MOV10L1: variants seen among roughly 807,000 people sequenced by gnomAD.
The protein encoded by MOV10L1 is RNA helicase Mov10l1.
MOV10L1 carries 110 observed loss-of-function variants against 143.8 expected under a neutral mutation model. The ratio of observed to expected loss-of-function variants is 0.76; its 90% CI spans 0.66 to 0.90. The LOEUF (loss-of-function observed/expected upper bound fraction) is 0.90, where lower values mean the gene tolerates loss of function less well. Among genes scored for constraint, MOV10L1 ranks in the 40% least tolerant of loss-of-function variants. The probability of loss-of-function intolerance (pLI) is 0.00; values close to 1 mark genes in which losing one functional copy is unlikely to be tolerated. For synonymous variants in MOV10L1, 593 were observed against 581.1 expected, an observed-to-expected ratio of 1.02 and a Z score of -0.29; for missense variants, 1,406 against 1,526.8, an observed-to-expected ratio of 0.92 and a Z score of 1.32.
intron 5 of MOV10L1, among the ~76,000 whole-genome samples, chr22:50,109,901 AAC>A (rs1395424116): frequency 6.6e-6 from 1 of 152,110 alleles, no homozygotes; most frequent in African/African-American, 2.4e-5. Flanking sequence ...CTGTAATCCC[AAC>A]GCTTTGGGAT....
chr22:50,144,069 C>T (rs2063066470), intron 17 of MOV10L1, 28 bp from the exon 18 acceptor site: 2 of 1,592,326 alleles, frequency 1.3e-6, no homozygotes, highest in Admixed American at 1.7e-5. Flanking sequence ...GATGTTGAGC[C>T]TTGGTCTCTT....
intron 4 of MOV10L1, 44 bp downstream of exon 4, chr22:50,108,292 C>T: frequency 1.3e-6 from 2 of 1,542,918 alleles, no homozygotes; most frequent in Middle Eastern, 3.4e-4. Context: ...TCTGGCAGAC[C>T]TGCCATCAGG....
At position 50,108,261 on chromosome 22, in the gene MOV10L1, C is replaced by G; in HGVS notation, c.555+13C>G. 6.2e-7 allele frequency: 1 copy of G among 1,600,734 alleles called. No individual in the cohort carries two copies. The highest frequency in any genetic ancestry group is 8.5e-7 in the Non-Finnish European group (1 of 1,172,480). ...GCGCGTGGACAAGGTAGCGTGCCGA[C>G]TAGTGGCTCCTCTCTGTGCTTCTGG... On this transcript the variant is annotated intron_variant, in intron 4 of 26. Coordinates refer to ENST00000262794, the MANE Select transcript of MOV10L1 (RefSeq NM_018995.3).
At position 50,128,502 on chromosome 22, in the gene MOV10L1, T is replaced by C. The variant is rs764269586; in HGVS notation, c.1905T>C (p.Tyr635=). The C allele has an allele frequency of 5.0e-6, 7 of 1,412,564 alleles. No homozygotes were observed. The East Asian group carries it at 1.6e-4, about 32-fold the overall frequency. 87.5% of individuals were successfully genotyped at this position (1,412,564 alleles called of 1,614,324 possible). A position where few individuals can be genotyped will look rare whatever the true frequency, so the allele number is the denominator to read the frequency against. Reference sequence around the variant, plus strand: ...AACCTATGGATGTGGAATTTACATATAATAGGTAATGCTTTTAGTGAGTCT... The same window carrying C: ...AACCTATGGATGTGGAATTTACATACAATAGGTAATGCTTTTAGTGAGTCT... ...NFEPMDVEFT[Y]NRTTSRRCHF... is the part of the protein sequence containing the mutation. The change falls in exon 13 of 27, where the codon TAT becomes TAC. Residue 635 remains tyrosine, a synonymous_variant. Coordinates refer to ENST00000262794, the MANE Select transcript of MOV10L1 (RefSeq NM_018995.3).
At chr22:50,090,543 C>T (rs2062404342) in intron 1 of MOV10L1, 4 of 1,599,674 alleles carry the variant, frequency 2.5e-6, no homozygotes, top group Non-Finnish European at 2.6e-6. Flanking sequence ...AAAACGCGGC[C>T]CCGCAGACTT....
intron 3 of MOV10L1, among the ~76,000 whole-genome samples, chr22:50,101,001 C>T (rs555573691): frequency 2.0e-5 from 3 of 152,286 alleles, no homozygotes; most frequent in African/African-American, 7.2e-5. Context: ...AGAAACAGAC[C>T]TGTGCATACA....
chr22:50,152,921 A>C lies in MOV10L1; in HGVS notation c.2893-124A>C. On this transcript the variant is annotated intron_variant, in intron 21 of 26. Coordinates refer to ENST00000262794, the MANE Select transcript of MOV10L1 (RefSeq NM_018995.3). This position sits in a 1 kb window ranked among gnomAD's most constrained non-coding sequence, Gnocchi z 4.4. Reference sequence around the variant, plus strand: ...GGGGGCAGGCGACACACAGGGGCGCAGGAGCAGAGTCAGGCTTGGAAGTCA... The same window carrying C: ...GGGGGCAGGCGACACACAGGGGCGCCGGAGCAGAGTCAGGCTTGGAAGTCA... 1 of 966,718 alleles carries C rather than the reference A, an allele frequency of 1.0e-6. No individual in the cohort carries two copies. The highest frequency in any genetic ancestry group is 2.4e-5 in the East Asian group (1 of 41,166). 59.9% of individuals were successfully genotyped at this position (966,718 alleles called of 1,614,324 possible).
Position 50,161,575 on chromosome 22 carries a change from G to T in MOV10L1, c.*126G>T, listed in dbSNP as rs968351710. Reference sequence around the variant, plus strand: ...AGGCAGGGTCGTGTGTGGGTGTGGGGCTGCCAGGTTGGACGCAGCTGCTGC... The same window carrying T: ...AGGCAGGGTCGTGTGTGGGTGTGGGTCTGCCAGGTTGGACGCAGCTGCTGC... On this transcript the variant is annotated 3_prime_UTR_variant, in exon 27 of 27. Transcript: ENST00000262794. 3 of 969,068 alleles carry T rather than the reference G, an allele frequency of 3.1e-6. No homozygotes were observed. Among genetic ancestry groups the T allele is most frequent in the Non-Finnish European group, 4.5e-6 (3 of 668,590 alleles). The allele number at this position is 969,068 out of a possible 1,614,324, so 60.0% of individuals were successfully genotyped here.
In MOV10L1 at chr22:50,161,543, C is replaced by T. The variant is rs914336428; in HGVS notation, c.*94C>T. The T allele has an allele frequency of 1.0e-5, 13 of 1,268,580 alleles. No homozygotes were observed. In the East Asian group the frequency reaches 1.8e-4, roughly 18 times the overall value. The allele number at this position is 1,268,580 out of a possible 1,614,324, so 78.6% of individuals were successfully genotyped here. A position where few individuals can be genotyped will look rare whatever the true frequency, so the allele number is the denominator to read the frequency against. ...TGGCTCCTGTGGCCTGCCCTTGTCT[C>T]GCAGCCAGGCAGGGTCGTGTGTGGG... On this transcript the variant is annotated 3_prime_UTR_variant, in exon 27 of 27. Coordinates refer to ENST00000262794, the MANE Select transcript of MOV10L1 (RefSeq NM_018995.3).
Position 50,161,001 on chromosome 22 carries a change from C to T in MOV10L1, c.3500C>T (p.Thr1167Ile), listed in dbSNP as rs2063546617. The part of the protein sequence containing the change: ...CFGALLEYSI[T>I]NGVYMGCDLP... ...GGTGCTTTGCTGGAATACAGTATTA[C>T]AAACGGTGTTTACATGGGATGCGAT... The change falls in exon 26 of 27, where the codon ACA (threonine) becomes ATA (isoleucine). Residue 1167 changes from threonine (T) to isoleucine (I), a missense_variant. Coordinates refer to ENST00000262794, the MANE Select transcript of MOV10L1 (RefSeq NM_018995.3). The T allele has an allele frequency of 6.2e-7, 1 of 1,614,224 alleles. No homozygotes were observed. Among genetic ancestry groups the T allele is most frequent in the Non-Finnish European group, 8.5e-7 (1 of 1,180,042 alleles).
At chr22:50,122,773 T>TGTTA (rs2062384985) in intron 10 of MOV10L1, among the ~76,000 whole-genome samples, 1 of 142,844 alleles carries the variant, frequency 7.0e-6, no homozygotes, top group South Asian at 2.2e-4. Flanking sequence ...TTTTTCTCTT[T>TGTTA]TTTATTTATT....
At chr22:50,125,220 G>T (rs983408806) in intron 10 of MOV10L1, among the ~76,000 whole-genome samples, 172 bp from the exon 11 acceptor site, 16 of 152,236 alleles carry the variant, frequency 1.1e-4, no homozygotes, top group Non-Finnish European at 2.1e-4. Flanking sequence ...CATGGCCCTC[G>T]TGCTGAAGGC....
At position 50,145,656 on chromosome 22, in the gene MOV10L1, G is replaced by A. The variant is rs375521474; in HGVS notation, c.2506-33G>A. The A allele has an allele frequency of 2.8e-4, 453 of 1,610,496 alleles. 1 individual carries two copies. Among genetic ancestry groups the A allele is most frequent in the Non-Finnish European group, 3.4e-4 (405 of 1,177,482 alleles). ...TTGGAATTCTGCTTAATAATTGGAG[G>A]AGTAAACTAACTCTACGCCTCCTTG... On this transcript the variant is annotated intron_variant, in intron 18 of 26. Transcript: ENST00000262794.
chr22:50,146,863 G>A, intron 19 of MOV10L1: 1 of 563,726 alleles, frequency 1.8e-6, no homozygotes, highest in Non-Finnish European at 3.2e-6. Context: ...GAACGTGATT[G>A]ATGAGACACT....
chr22:50,143,279 G>A (rs1205625986), intron 17 of MOV10L1, 58 bp downstream of exon 17: 5 of 1,542,512 alleles, frequency 3.2e-6, no homozygotes, highest in South Asian at 2.2e-5. Context: ...TGTGTCGTCT[G>A]TGTCTTCAGG....
chr22:50,097,125 T>A (rs375070377), intron 2 of MOV10L1, among the ~76,000 whole-genome samples: 27 of 152,278 alleles, frequency 1.8e-4, no homozygotes, highest in African/African-American at 5.3e-4. Context: ...TTAAAAAAAA[T>A]TTTTTGAGAC....
At chr22:50,122,273 T>C (rs1449889179) in intron 10 of MOV10L1, among the ~76,000 whole-genome samples, 1 of 152,272 alleles carries the variant, frequency 6.6e-6, no homozygotes, top group Non-Finnish European at 1.5e-5. Context: ...TTCACTTCTT[T>C]GGTTAAATTA....
At position 50,134,520 on chromosome 22, in the gene MOV10L1, G is replaced by A. The variant is rs769981969; in HGVS notation, c.1970-10G>A. On this transcript the variant is annotated splice_polypyrimidine_tract_variant and intron_variant, in intron 14 of 26. Transcript: ENST00000262794. ...TATACCCGTGCTCTTACCATTTTTT[G>A]TTTTAAAAGTGTTGTTTCCAGAAGA... The A allele has an allele frequency of 1.9e-6, 3 of 1,609,472 alleles. No homozygotes were observed. The East Asian group carries it at 6.7e-5, about 36-fold the overall frequency.
At position 50,126,313 on chromosome 22, in the gene MOV10L1, C is replaced by G. The variant is rs528081747; in HGVS notation, c.1818+41C>G. On this transcript the variant is annotated intron_variant, in intron 12 of 26. Transcript: ENST00000262794. ...CTTAATGAGTTTGTGTTAGACACAC[C>G]CTTCTGACCGGTTGGAAAGGTAACG... 3.4e-6 allele frequency: 5 copies of G among 1,472,372 alleles called. No individual in the cohort carries two copies. In the South Asian group the frequency reaches 5.8e-5, roughly 17 times the overall value. 91.2% of individuals were successfully genotyped at this position (1,472,372 alleles called of 1,614,324 possible).
Sources: gnomAD v4.1 joint callset for allele counts (sites outside exome capture counted in the v4.1 genomes callset) on GRCh38, gnomAD v4.1.1 for gene constraint, Gnocchi (gnomAD v3.1) non-coding constraint, MANE v1.5 for transcripts, NCBI Gene and HGNC (gene_info 2026-07-23, HGNC 2026-07-21) for gene names.